SMYD3: variants seen among roughly 807,000 people sequenced by gnomAD.
SMYD3 encodes SET and MYND domain containing 3.
A neutral mutation model predicts 57.7 loss-of-function variants in SMYD3; 36 were observed. That is an observed-to-expected ratio of 0.62 (90% CI 0.48 to 0.82). The LOEUF is 0.82. SMYD3 is among the 40% of genes least tolerant of loss of function. The pLI, the probability that SMYD3 is intolerant of heterozygous loss-of-function variation, is 0.00. For missense variants in SMYD3, 515 were observed against 538.8 expected (o/e 0.96, Z 0.44); for synonymous variants, 211 against 195.0 (o/e 1.08, Z -0.68).
chr1:245,887,581 C>T (rs1455135521), intron 8 of SMYD3, among the ~76,000 whole-genome samples: 1 of 152,172 alleles, frequency 6.6e-6, no homozygotes, highest in Non-Finnish European at 1.5e-5. Context: ...TCTTTGAAAC[C>T]ATCTCAATGA....
At position 246,355,249 on chromosome 1, in the gene SMYD3, G is replaced by A. The variant is rs753429162; in HGVS notation, c.165-155C>T. ...AAGATTTGGATTTTCACACTGATGA[G>A]CCTCCTCTTGAACCTTCCATGTGAG... On this transcript the variant is annotated intron_variant, in intron 1 of 11. Transcript: ENST00000490107. The surrounding 1 kb of genome is among the most constrained non-coding windows in gnomAD (Gnocchi z 5.0). 16 of 672,940 alleles carry A rather than the reference G, an allele frequency of 2.4e-5. No individual in the cohort carries two copies. Among genetic ancestry groups the A allele is most frequent in the Non-Finnish European group, 3.8e-5 (15 of 389,810 alleles). 41.7% of individuals were successfully genotyped at this position (672,940 alleles called of 1,614,324 possible).
At chr1:246,264,532 T>C (rs1443870173) in intron 5 of SMYD3, among the ~76,000 whole-genome samples, 2 of 152,208 alleles carry the variant, frequency 1.3e-5, no homozygotes, top group African/African-American at 2.4e-5. Context: ...TCAATATGAT[T>C]TTATTCTCAC....
intron 5 of SMYD3, among the ~76,000 whole-genome samples, chr1:245,984,941 A>T (rs1038258757): frequency 2.6e-5 from 4 of 151,806 alleles, no homozygotes; most frequent in African/African-American, 9.7e-5. Flanking sequence ...TGCCCTCTCA[A>T]CTCTGCTGAA....
intron 5 of SMYD3, among the ~76,000 whole-genome samples, chr1:246,044,558 G>C (rs556079119): frequency 1.3e-5 from 2 of 152,182 alleles, no homozygotes; most frequent in South Asian, 4.1e-4. Flanking sequence ...TGGCAGAGAG[G>C]CTAGAGGTCA....
rs1572388825 is a variant in SMYD3, at chr1:246,330,469, C to T, written c.394+11G>A. 1 of 1,570,584 alleles carries T rather than the reference C, an allele frequency of 6.4e-7. No homozygotes were observed. Among genetic ancestry groups the T allele is most frequent in the Non-Finnish European group, 8.6e-7 (1 of 1,161,718 alleles). On this transcript the variant is annotated intron_variant, in intron 4 of 11. Coordinates refer to ENST00000490107, the MANE Select transcript of SMYD3 (RefSeq NM_001167740.2). The stretch of plus-strand genomic sequence containing the variant: ...GAAACTTTTTTAAGATGCTGATAGA[C>T]AATCACTTACTTGACTCCAGATCAT...
chr1:245,985,630 A>G (rs2058689933), intron 5 of SMYD3, among the ~76,000 whole-genome samples: 1 of 152,208 alleles, frequency 6.6e-6, no homozygotes, highest in Non-Finnish European at 1.5e-5. Flanking sequence ...AACTTCGGTC[A>G]ACATCATAAT....
At chr1:246,142,159 A>G (rs1263355107) in intron 5 of SMYD3, among the ~76,000 whole-genome samples, 2 of 152,144 alleles carry the variant, frequency 1.3e-5, no homozygotes, top group African/African-American at 4.8e-5. Context: ...GGTGCCTGAA[A>G]CCACAGATAG....
intron 5 of SMYD3, among the ~76,000 whole-genome samples, chr1:246,268,898 G>C (rs1052059209): frequency 6.6e-6 from 1 of 151,986 alleles, no homozygotes; most frequent in African/African-American, 2.4e-5. Context: ...CCCTCCCTTG[G>C]GGTCCTGCAA....
chr1:246,442,340 C>T (rs116692726), intron 1 of SMYD3, among the ~76,000 whole-genome samples: 4,389 of 151,960 alleles, frequency 0.029, 98 homozygotes, highest in Non-Finnish European at 0.043. Flanking sequence ...GCTGAGGTCA[C>T]GAGTTCAAGA....
At position 245,858,578 on chromosome 1, in the gene SMYD3, C is replaced by T. The variant is rs1166928311; in HGVS notation, c.994G>A (p.Asp332Asn). 1.9e-6 allele frequency: 3 copies of T among 1,614,208 alleles called. No individual in the cohort carries two copies. The highest frequency in any genetic ancestry group is 2.5e-6 in the Non-Finnish European group (3 of 1,180,050). Residue 332 changes from aspartate (D) to asparagine (N), a missense_variant, in exon 10 of 12, where the codon GAC becomes AAC. Coordinates refer to ENST00000490107, the MANE Select transcript of SMYD3 (RefSeq NM_001167740.2). ...TTGATGCAGGCATCCATGGCGCAGT[C>T]GAGCACCTTCAGCTGGTAGATGTTG... The part of the protein sequence containing the change: ...DINIYQLKVL[D>N]CAMDACINLG...
At chr1:246,502,864 C>T (rs1011604430) in intron 1 of SMYD3, among the ~76,000 whole-genome samples, 7 of 152,112 alleles carry the variant, frequency 4.6e-5, no homozygotes, top group African/African-American at 9.7e-5. Flanking sequence ...TTTGTCATGA[C>T]GCCAGCTGTT....
chr1:246,350,636 G>T (rs1410369632), intron 2 of SMYD3, among the ~76,000 whole-genome samples: 2 of 142,102 alleles, frequency 1.4e-5, no homozygotes, highest in Non-Finnish European at 3.0e-5. Flanking sequence ...AAGGGAAGTG[G>T]GTCTGGGGGA....
chr1:246,147,022 G>C (rs2061854575), intron 5 of SMYD3, among the ~76,000 whole-genome samples: 1 of 152,238 alleles, frequency 6.6e-6, no homozygotes, highest in African/African-American at 2.4e-5. Flanking sequence ...AGGACAATCT[G>C]TTCGAGAATA....
chr1:246,227,614 CA>C (rs1401437003), intron 5 of SMYD3, among the ~76,000 whole-genome samples: 1 of 147,724 alleles, frequency 6.8e-6, no homozygotes. Flanking sequence ...GACTCCATCT[CA>C]AAAAAAAAGA....
chr1:246,141,240 C>G (rs911878337), intron 5 of SMYD3, among the ~76,000 whole-genome samples: 1 of 152,134 alleles, frequency 6.6e-6, no homozygotes, highest in Non-Finnish European at 1.5e-5. Context: ...TCAACTCTCT[C>G]TAACAACCCA....
chr1:246,129,476 A>G lies in SMYD3; in HGVS notation c.531+197725T>C, dbSNP rs190037690. 2.0e-3 allele frequency among the ~76,000 whole-genome samples: 300 copies of G among 151,740 alleles called. 1 individual carries two copies. The highest frequency in any genetic ancestry group is 3.4e-3 in the Middle Eastern group (1 of 290). On this transcript the variant is annotated intron_variant, in intron 5 of 11. Coordinates refer to ENST00000490107, the MANE Select transcript of SMYD3 (RefSeq NM_001167740.2). ...CCTCAGCTTTTTTGTGAGAGTTTCT[A>G]TTTTCTCATTTGGTGAAACTATCTT...
chr1:246,410,082 G>A (rs9895256), intron 1 of SMYD3, among the ~76,000 whole-genome samples: 21 of 152,166 alleles, frequency 1.4e-4, no homozygotes, highest in East Asian at 1.4e-3. Context: ...TGAGATGATC[G>A]GGTTTTCTAG....
At chr1:246,260,099 T>G (rs1025487531) in intron 5 of SMYD3, among the ~76,000 whole-genome samples, 9 of 152,148 alleles carry the variant, frequency 5.9e-5, no homozygotes, top group African/African-American at 1.9e-4. Flanking sequence ...AGTCCCCCTA[T>G]ATGAGGATCT....
chr1:246,426,353 G>C lies in SMYD3; in HGVS notation c.165-71259C>G, dbSNP rs532160598. ...CAGCCATCACCACAATGTAATTTTA[G>C]AACAGTTTCATCACCCCAAAAAGAA... On this transcript the variant is annotated intron_variant, in intron 1 of 11. Transcript: ENST00000490107. 5.9e-5 allele frequency among the ~76,000 whole-genome samples: 9 copies of C among 152,174 alleles called. No homozygotes were observed. In the South Asian group the frequency reaches 1.9e-3, roughly 32 times the overall value.
Sources: allele counts gnomAD v4.1 joint callset (sites outside exome capture counted in the v4.1 genomes callset), GRCh38; gene constraint gnomAD v4.1.1; non-coding constraint Gnocchi (gnomAD v3.1); transcripts MANE v1.5; gene names NCBI Gene and HGNC (gene_info 2026-07-23, HGNC 2026-07-21).